Variants in WWOX observed in about 807,000 individuals in gnomAD.
WWOX encodes WW domain-containing oxidoreductase.
In WWOX, 69 loss-of-function variants were observed where a neutral mutation model predicts 46.2. The ratio of observed to expected loss-of-function variants is 1.49; its 90% CI spans 1.23 to 1.82. The LOEUF is 1.82. Ranked by LOEUF, WWOX falls within the 40% of genes most tolerant of loss-of-function variation. The pLI is 0.00. For missense variants in WWOX, 919 were observed against 542.6 expected (o/e 1.69, Z -6.89); for synonymous variants, 359 against 202.6 (o/e 1.77, Z -6.56).
chr16:78,312,337 C>A (rs1240303673), intron 5 of WWOX, among the ~76,000 whole-genome samples: 6 of 149,908 alleles, frequency 4.0e-5, no homozygotes, highest in African/African-American at 7.4e-5. Context: ...TAAGGAAACA[C>A]TTATATTGCT....
At chr16:78,377,270 G>C (rs921609324) in intron 5 of WWOX, among the ~76,000 whole-genome samples, 7 of 152,352 alleles carry the variant, frequency 4.6e-5, no homozygotes, top group East Asian at 1.9e-4. Context: ...TGTTTATTAA[G>C]AGTCTTCAAC....
intron 6 of WWOX, among the ~76,000 whole-genome samples, chr16:78,408,774 C>T (rs1025804552): frequency 1.3e-5 from 2 of 152,108 alleles, no homozygotes; most frequent in Non-Finnish European, 2.9e-5. Flanking sequence ...GAAGAGTTTC[C>T]TGAGTCACCT....
chr16:79,040,922 C>T (rs960486610), intron 8 of WWOX, among the ~76,000 whole-genome samples: 4 of 152,136 alleles, frequency 2.6e-5, no homozygotes, highest in East Asian at 1.9e-4. Flanking sequence ...GGTTGCAGGA[C>T]GCATCCATGG....
intron 8 of WWOX, among the ~76,000 whole-genome samples, chr16:78,837,613 C>T (rs1303282649): frequency 2.6e-5 from 4 of 152,180 alleles, no homozygotes; most frequent in South Asian, 2.1e-4. Flanking sequence ...TAGGCGTCTG[C>T]GTGGTTCTTA....
At chr16:78,932,404 T>C (rs1447414987) in intron 8 of WWOX, among the ~76,000 whole-genome samples, 1 of 152,216 alleles carries the variant, frequency 6.6e-6, no homozygotes, top group Non-Finnish European at 1.5e-5. Context: ...AGCCTATGCC[T>C]GGATAAGAAC....
Position 78,633,946 on chromosome 16 carries a change from T to C in WWOX, c.1056+201194T>C, listed in dbSNP as rs556173324. ...TCATTGCTGAGAACAGTTCCAGCTC[T>C]GCCGACCAAAGGCTGAGTGTCCTTT... is the stretch of plus-strand genomic sequence containing the variant. On this transcript the variant is annotated intron_variant, in intron 8 of 8. Coordinates refer to ENST00000566780, the MANE Select transcript of WWOX (RefSeq NM_016373.4). Among the ~76,000 whole-genome samples, 15 of 151,768 alleles carry C rather than the reference T, an allele frequency of 9.9e-5. 1 individual carries two copies. In the East Asian group the frequency reaches 1.4e-3, roughly 14 times the overall value.
At chr16:79,191,625 A>G (rs1036764143) in intron 8 of WWOX, among the ~76,000 whole-genome samples, 1 of 152,196 alleles carries the variant, frequency 6.6e-6, no homozygotes, top group East Asian at 1.9e-4. Flanking sequence ...GAAGGTTTCT[A>G]TCAAATCCTA....
rs191298728 is a variant in WWOX at position 78,833,510 on chromosome 16, C to T, written c.1057-378098C>T. 2.0e-5 allele frequency among the ~76,000 whole-genome samples: 3 copies of T among 152,254 alleles called. No individual in the cohort carries two copies. The East Asian group carries it at 5.8e-4, about 29-fold the overall frequency. On this transcript the variant is annotated intron_variant, in intron 8 of 8. Coordinates refer to ENST00000566780, the MANE Select transcript of WWOX (RefSeq NM_016373.4). ...TCTGCGAGTTCAGAAAATTGGGTTACAATACCTACAACGTGCAGTGAGGAC... is the reference window on the plus strand; with the variant it reads ...TCTGCGAGTTCAGAAAATTGGGTTATAATACCTACAACGTGCAGTGAGGAC...
At chr16:78,474,387 G>A (rs769664440) in intron 8 of WWOX, among the ~76,000 whole-genome samples, 5 of 152,176 alleles carry the variant, frequency 3.3e-5, no homozygotes, top group Non-Finnish European at 7.3e-5. Flanking sequence ...TCTCTAAACC[G>A]ATCATCACAG....
chr16:78,748,127 A>G (rs1040759445), intron 8 of WWOX, among the ~76,000 whole-genome samples: 13 of 151,952 alleles, frequency 8.6e-5, no homozygotes, highest in Admixed American at 7.2e-4. Context: ...CCACTCCTCT[A>G]TCTCGCATTT....
chr16:78,702,640 G>T (rs893834001), intron 8 of WWOX, among the ~76,000 whole-genome samples: 1 of 147,046 alleles, frequency 6.8e-6, no homozygotes, highest in Admixed American at 6.9e-5. Flanking sequence ...GGGCAACAGA[G>T]CAAGACTCTG....
chr16:78,815,822 G>A (rs536039130), intron 8 of WWOX, among the ~76,000 whole-genome samples: 146 of 152,284 alleles, frequency 9.6e-4, no homozygotes, highest in Middle Eastern at 3.4e-3. Context: ...CTGCTTGGCT[G>A]CCTATGAGTC....
chr16:78,806,509 A>C lies in WWOX; in HGVS notation c.1056+373757A>C, dbSNP rs146187443. On this transcript the variant is annotated intron_variant, in intron 8 of 8. Coordinates refer to ENST00000566780, the MANE Select transcript of WWOX (RefSeq NM_016373.4). ...GTCTGAGATCATCTGAAGGTTGTTC[A>C]CTCATGAGTCTGAGGATTGATGCTG... 1.5e-3 allele frequency among the ~76,000 whole-genome samples: 231 copies of C among 152,180 alleles called. 1 individual carries two copies. Among genetic ancestry groups the C allele is most frequent in the African/African-American group, 4.9e-3 (204 of 41,508 alleles).
intron 8 of WWOX, among the ~76,000 whole-genome samples, chr16:78,834,786 C>T (rs766315872): frequency 1.2e-4 from 19 of 152,142 alleles, no homozygotes; most frequent in Non-Finnish European, 1.3e-4. Flanking sequence ...CAAATCATTA[C>T]ATTAGTTTAC....
At chr16:79,155,072 G>A (rs2050354337) in intron 8 of WWOX, among the ~76,000 whole-genome samples, 1 of 152,204 alleles carries the variant, frequency 6.6e-6, no homozygotes. Flanking sequence ...AGCAGGCACT[G>A]GCAAGCTTTT....
At chr16:78,878,324 A>T (rs930234589) in intron 8 of WWOX, among the ~76,000 whole-genome samples, 6 of 152,142 alleles carry the variant, frequency 3.9e-5, no homozygotes, top group African/African-American at 1.4e-4. Context: ...GGAAGTACAG[A>T]CTTTGCAGGC....
chr16:78,366,664 C>G (rs551233715), intron 5 of WWOX, among the ~76,000 whole-genome samples: 15 of 152,148 alleles, frequency 9.9e-5, no homozygotes, highest in Non-Finnish European at 8.8e-5. Context: ...GCCACTTTTG[C>G]TTTCATGCTA....
intron 8 of WWOX, among the ~76,000 whole-genome samples, chr16:78,605,834 T>C (rs183955084): frequency 6.6e-6 from 1 of 151,618 alleles, no homozygotes; most frequent in East Asian, 1.9e-4. Flanking sequence ...TTAAGTGGAG[T>C]GTGTGTGTGT....
At chr16:79,117,426 T>C (rs1187722492) in intron 8 of WWOX, among the ~76,000 whole-genome samples, 3 of 152,212 alleles carry the variant, frequency 2.0e-5, no homozygotes, top group East Asian at 1.9e-4. Context: ...GGGTTTGTTA[T>C]TCCATTTATA....
Sources: allele counts gnomAD v4.1 joint callset (sites outside exome capture counted in the v4.1 genomes callset), GRCh38; gene constraint gnomAD v4.1.1; transcripts MANE v1.5; gene names NCBI Gene and HGNC (gene_info 2026-07-23, HGNC 2026-07-21).